CHRNA7: variants seen among roughly 807,000 people sequenced by gnomAD.
CHRNA7 encodes neuronal acetylcholine receptor subunit alpha-7.
In CHRNA7, 17 loss-of-function variants were observed where a neutral mutation model predicts 48.0. That is an observed-to-expected ratio of 0.35 (90% CI 0.24 to 0.53). CHRNA7 has a LOEUF of 0.53. Among genes scored for constraint, CHRNA7 ranks in the 20% least tolerant of loss-of-function variants. The pLI is 0.92. For missense variants in CHRNA7, 155 were observed against 577.7 expected, an observed-to-expected ratio of 0.27 and a Z score of 7.50; for synonymous variants, 75 against 242.3, an observed-to-expected ratio of 0.31 and a Z score of 6.41.
intron 2 of CHRNA7, among the ~76,000 whole-genome samples, chr15:32,067,172 G>A (rs528570006): frequency 3.3e-5 from 5 of 152,302 alleles, no homozygotes; most frequent in South Asian, 2.1e-4. Flanking sequence ...GTACACATCC[G>A]TAAAGCTTAA....
chr15:32,051,682 C>T (rs900698926), intron 2 of CHRNA7, among the ~76,000 whole-genome samples: 87 of 152,282 alleles, frequency 5.7e-4, no homozygotes, highest in African/African-American at 1.9e-3. Flanking sequence ...GTCTGGCACT[C>T]CCTAGTGAGA....
chr15:32,137,426 A>G (rs1281354632), intron 4 of CHRNA7, among the ~76,000 whole-genome samples: 5 of 151,992 alleles, frequency 3.3e-5, no homozygotes, highest in African/African-American at 4.8e-5. Flanking sequence ...CTAAGGATAT[A>G]TAACAAATCT....
chr15:32,120,246 G>A (rs1401097757), intron 4 of CHRNA7, among the ~76,000 whole-genome samples: 2 of 152,236 alleles, frequency 1.3e-5, no homozygotes, highest in Admixed American at 1.3e-4. Context: ...CGACACATCA[G>A]GAAAGAGCTC....
At chr15:32,139,098 C>T (rs187872565) in intron 4 of CHRNA7, among the ~76,000 whole-genome samples, 307 of 152,264 alleles carry the variant, frequency 2.0e-3, no homozygotes, top group African/African-American at 7.1e-3. Context: ...CCTAGAATAT[C>T]ATATAATTGG....
chr15:32,031,983 T>C (rs1432262082), intron 2 of CHRNA7, among the ~76,000 whole-genome samples: 1 of 152,042 alleles, frequency 6.6e-6, no homozygotes, highest in Non-Finnish European at 1.5e-5. Flanking sequence ...CCACAATTAC[T>C]GGTTAAAAAA....
intron 2 of CHRNA7, among the ~76,000 whole-genome samples, chr15:32,082,825 A>G (rs995882961): frequency 6.6e-6 from 1 of 152,080 alleles, no homozygotes; most frequent in Non-Finnish European, 1.5e-5. Flanking sequence ...TTTTAGTATA[A>G]TTTCTTAAAT....
intron 2 of CHRNA7, among the ~76,000 whole-genome samples, chr15:32,072,978 C>T (rs1272091068): frequency 6.6e-6 from 1 of 152,150 alleles, no homozygotes; most frequent in Admixed American, 6.5e-5. Context: ...CACATGGAGT[C>T]CCCACCAGGT....
At chr15:32,122,653 A>G (rs2050992151) in intron 4 of CHRNA7, among the ~76,000 whole-genome samples, 1 of 152,050 alleles carries the variant, frequency 6.6e-6, no homozygotes, top group Admixed American at 6.6e-5. Flanking sequence ...GCTATGAGGT[A>G]AGGGTCTAAC....
At chr15:32,135,927 C>A (rs2051248363) in intron 4 of CHRNA7, among the ~76,000 whole-genome samples, 1 of 152,166 alleles carries the variant, frequency 6.6e-6, no homozygotes, top group Non-Finnish European at 1.5e-5. Flanking sequence ...AAAATAACGT[C>A]TTTTAAGTAT....
chr15:32,078,044 C>T (rs2050160838), intron 2 of CHRNA7, among the ~76,000 whole-genome samples: 1 of 152,100 alleles, frequency 6.6e-6, no homozygotes, highest in Admixed American at 6.5e-5. Context: ...ATAGCAAGGT[C>T]TTTGGCCTAT....
intron 2 of CHRNA7, among the ~76,000 whole-genome samples, chr15:32,049,029 G>GAAAGACAGTTTGTTATAAT (rs1355920923): frequency 1.4e-5 from 2 of 138,378 alleles, no homozygotes; most frequent in Admixed American, 7.1e-5. Context: ...ACTGTGGTCT[G>GAAAGACAGTTTGTTATAAT]TTCTTTTACA....
chr15:32,061,017 A>C (rs1327351279), intron 2 of CHRNA7, among the ~76,000 whole-genome samples: 1 of 152,188 alleles, frequency 6.6e-6, no homozygotes, highest in East Asian at 1.9e-4. Context: ...TCATCACAAG[A>C]GCAAGAGATG....
chr15:32,070,669 C>CTTTTTTTTTTTTTTTTTTTTTTT (rs71113441), intron 2 of CHRNA7, among the ~76,000 whole-genome samples: 3 of 40,894 alleles, frequency 7.3e-5, no homozygotes, highest in African/African-American at 2.8e-4. Flanking sequence ...GGTTTAGTTC[C>CTTTTTTTTTTTTTTTTTTTTTTT]TTTTTTTTTT....
intron 2 of CHRNA7, among the ~76,000 whole-genome samples, chr15:32,037,075 G>C (rs1902126723): frequency 6.6e-6 from 1 of 152,030 alleles, no homozygotes. Flanking sequence ...TTTACATTTA[G>C]GTCTGTGGTC....
intron 4 of CHRNA7, among the ~76,000 whole-genome samples, chr15:32,142,147 C>T (rs556440185): frequency 2.0e-4 from 30 of 152,220 alleles, no homozygotes; most frequent in Non-Finnish European, 3.7e-4. Flanking sequence ...TGAATTTTGT[C>T]GAAGGCCTTT....
intron 4 of CHRNA7, among the ~76,000 whole-genome samples, chr15:32,119,805 A>G (rs75662497): frequency 0.01 from 1,523 of 152,208 alleles, 20 homozygotes; most frequent in African/African-American, 0.034. Flanking sequence ...AGCAAGAGGA[A>G]GGGAGGAAGG....
chr15:32,108,154 TG>T (rs2141273502), intron 3 of CHRNA7, among the ~76,000 whole-genome samples: 1 of 152,186 alleles, frequency 6.6e-6, no homozygotes, highest in East Asian at 1.9e-4. Context: ...GAGTTTCCTG[TG>T]GGCTCGAAGC....
chr15:32,050,881 G>C (rs1261757440), intron 2 of CHRNA7, among the ~76,000 whole-genome samples: 1 of 152,224 alleles, frequency 6.6e-6, no homozygotes, highest in East Asian at 1.9e-4. Flanking sequence ...ACCCTCAGCT[G>C]CAGGTCTGTT....
At chr15:32,101,090 A>C in intron 2 of CHRNA7, 3 of 475,732 alleles carry the variant, frequency 6.3e-6, no homozygotes, top group African/African-American at 4.1e-5. Context: ...CATCTTTTTT[A>C]AGTGCTGTAT....
Sources: allele counts gnomAD v4.1 joint callset (sites outside exome capture counted in the v4.1 genomes callset), GRCh38; gene constraint gnomAD v4.1.1; transcripts MANE v1.5; gene names NCBI Gene and HGNC (gene_info 2026-07-23, HGNC 2026-07-21).